Variants in ITPRID2 observed in about 807,000 individuals in gnomAD.
ITPRID2 encodes the protein protein ITPRID2.
A neutral mutation model predicts 124.3 loss-of-function variants in ITPRID2; 60 were observed. The ratio of observed to expected loss-of-function variants is 0.48; its 90% CI spans 0.39 to 0.60. The LOEUF is 0.60. ITPRID2 is among the 20% of genes least tolerant of loss of function. The probability of loss-of-function intolerance (pLI) is 0.00; values close to 1 mark genes in which losing one functional copy is unlikely to be tolerated. For missense variants in ITPRID2, 1,553 were observed against 1,512.2 expected, an observed-to-expected ratio of 1.03 and a Z score of -0.45; for synonymous variants, 521 against 542.9, an observed-to-expected ratio of 0.96 and a Z score of 0.56.
chr2:181,902,481 A>C lies in ITPRID2; in HGVS notation c.1413+15A>C. 2 of 1,494,672 alleles carry C rather than the reference A, an allele frequency of 1.3e-6. No individual in the cohort carries two copies. Among genetic ancestry groups the C allele is most frequent in the Non-Finnish European group, 1.8e-6 (2 of 1,119,586 alleles). 92.6% of individuals were successfully genotyped at this position (1,494,672 alleles called of 1,614,324 possible). ...AAATGGAAGAGGTAGGTAAAAAATT[A>C]CTGAGACTGGTTTCAAGTTGCAGAC... On this transcript the variant is annotated intron_variant, in intron 8 of 17. Coordinates refer to ENST00000431877, the MANE Select transcript of ITPRID2 (RefSeq NM_001130445.3). The surrounding 1 kb of genome is among the most constrained non-coding windows in gnomAD (Gnocchi z 4.4).
Position 181,892,625 on chromosome 2 carries a change from C to G in ITPRID2, c.222C>G (p.Pro74=), listed in dbSNP as rs750962565. 1 of 1,614,170 alleles carries G rather than the reference C, an allele frequency of 6.2e-7. No individual in the cohort carries two copies. The highest frequency in any genetic ancestry group is 2.2e-5 in the East Asian group (1 of 44,866). ...LPAAGGRGNV[P]NEKIAIWLKD... is the part of the protein sequence containing the mutation. Reference sequence around the variant, plus strand: ...TCTCTCTACCCCCAGGAAACGTGCCCAACGAGAAGATCGCGATATGGCTCA... The same window carrying G: ...TCTCTCTACCCCCAGGAAACGTGCCGAACGAGAAGATCGCGATATGGCTCA... Residue 74 remains proline, a synonymous_variant, in exon 2 of 18, where the codon CCC becomes CCG. Coordinates refer to ENST00000431877, the MANE Select transcript of ITPRID2 (RefSeq NM_001130445.3). The surrounding 1 kb of genome is among the most constrained non-coding windows in gnomAD (Gnocchi z 5.2).
intron 16 of ITPRID2, among the ~76,000 whole-genome samples, chr2:181,926,441 C>T (rs1039948882): frequency 4.0e-5 from 6 of 149,894 alleles, no homozygotes; most frequent in African/African-American, 1.5e-4. Flanking sequence ...CGACTGGGCG[C>T]GGTGGCTCAC....
At chr2:181,913,426 A>G (rs1277937735) in intron 9 of ITPRID2, among the ~76,000 whole-genome samples, 1 of 152,178 alleles carries the variant, frequency 6.6e-6, no homozygotes, top group Admixed American at 6.5e-5. Flanking sequence ...TGCTCTCTAT[A>G]TGAACTTCTA....
At position 181,915,493 on chromosome 2, in the gene ITPRID2, T is replaced by C; in HGVS notation, c.1853T>C (p.Ile618Thr). ...KQSTCSPGDHIIEITEVEEDL... is the reference protein window; with the variant it reads ...KQSTCSPGDHTIEITEVEEDL... ...TCCACCTGTAGTCCAGGGGATCATA[T>C]CATTGAAATTACTGAAGTGGAAGAG... is the stretch of plus-strand genomic sequence containing the variant. The change falls in exon 11 of 18, where the codon ATC becomes ACC. Residue 618 changes from isoleucine (I) to threonine (T), a missense_variant. Transcript: ENST00000431877. The C allele has an allele frequency of 6.2e-7, 1 of 1,614,182 alleles. No individual in the cohort carries two copies. Among genetic ancestry groups the C allele is most frequent in the South Asian group, 1.1e-5 (1 of 91,080 alleles).
In ITPRID2 at chr2:181,913,900, T is replaced by C; in HGVS notation, c.1542T>C (p.Asp514=). Residue 514 remains aspartate (D), a synonymous_variant, in exon 10 of 18, where the codon GAT becomes GAC. Transcript: ENST00000431877. ...QHSDSSGFAE[D]STDCLSLNHL... is the part of the protein sequence containing the mutation. Reference sequence around the variant, plus strand: ...CCGATAGCAGTGGTTTTGCTGAAGATTCTACAGACTGCCTATCCCTTAATC... The same window carrying C: ...CCGATAGCAGTGGTTTTGCTGAAGACTCTACAGACTGCCTATCCCTTAATC... 1 of 1,613,506 alleles carries C rather than the reference T, an allele frequency of 6.2e-7. No homozygotes were observed. The highest frequency in any genetic ancestry group is 8.5e-7 in the Non-Finnish European group (1 of 1,179,752).
At chr2:181,918,281 A>G (rs1694229339) in intron 11 of ITPRID2, 10 of 1,097,140 alleles carry the variant, frequency 9.1e-6, no homozygotes, top group Non-Finnish European at 1.0e-5. Context: ...GATATTTGCA[A>G]TGGCTTCTAC....
At position 181,915,314 on chromosome 2, in the gene ITPRID2, A is replaced by G. The variant is rs1693942456; in HGVS notation, c.1674A>G (p.Ala558=). 6.2e-7 allele frequency: 1 copy of G among 1,614,072 alleles called. No homozygotes were observed. The highest frequency in any genetic ancestry group is 2.2e-5 in the East Asian group (1 of 44,894). The part of the protein sequence containing the change: ...SLGEDLATPT[A]QDQPYFNESE... ...GTGAAGACCTTGCCACACCAACAGC[A>G]CAAGACCAGCCTTATTTTAATGAAT... The change falls in exon 11 of 18, where the codon GCA becomes GCG. Residue 558 remains alanine, a synonymous_variant. Transcript: ENST00000431877.
At chr2:181,898,835 G>A (rs1490199896) in intron 4 of ITPRID2, 45 bp from the exon 5 acceptor site, 1 of 1,349,922 alleles carries the variant, frequency 7.4e-7, no homozygotes, top group South Asian at 1.2e-5. Context: ...AGTAGTTATA[G>A]TCCTACTAAC....
Position 181,902,542 on chromosome 2 carries a change from G to T in ITPRID2, c.1413+76G>T. Reference sequence around the variant, plus strand: ...AGTACCAAAAATGCTTATAAAATGAGAGGTAGCTAATAGATTTATACTAGA... The same window carrying T: ...AGTACCAAAAATGCTTATAAAATGATAGGTAGCTAATAGATTTATACTAGA... On this transcript the variant is annotated intron_variant, in intron 8 of 17. Transcript: ENST00000431877. This position sits in a 1 kb window ranked among gnomAD's most constrained non-coding sequence, Gnocchi z 4.4. The T allele has an allele frequency of 9.2e-7, 1 of 1,091,764 alleles. No individual in the cohort carries two copies. The highest frequency in any genetic ancestry group is 1.3e-6 in the Non-Finnish European group (1 of 770,878). 67.6% of individuals were successfully genotyped at this position (1,091,764 alleles called of 1,614,324 possible). A position where few individuals can be genotyped will look rare whatever the true frequency, so the allele number is the denominator to read the frequency against.
At chr2:181,925,213 A>G (rs1461827403) in intron 16 of ITPRID2, among the ~76,000 whole-genome samples, 1 of 152,222 alleles carries the variant, frequency 6.6e-6, no homozygotes, top group Non-Finnish European at 1.5e-5. Context: ...GCTGCCACTT[A>G]GTAGGCACTC....
rs1247514330 is a variant in ITPRID2, at chr2:181,902,402, CACT to C, written c.1350_1352del (p.Leu451del). The C allele has an allele frequency of 6.2e-7, 1 of 1,612,372 alleles. No homozygotes were observed. The highest frequency in any genetic ancestry group is 2.2e-5 in the East Asian group (1 of 44,840). On this transcript the variant is annotated inframe_deletion, in exon 8 of 18. Coordinates refer to ENST00000431877, the MANE Select transcript of ITPRID2 (RefSeq NM_001130445.3). This position sits in a 1 kb window ranked among gnomAD's most constrained non-coding sequence, Gnocchi z 4.4. ...ACACCTGAAAAAGAGCCTTGTGCACCACTGACAATACCATCCATAAGAAATATA... is the reference window on the plus strand; with the variant it reads ...ACACCTGAAAAAGAGCCTTGTGCACCGACAATACCATCCATAAGAAATATA...
rs1692762854 is a variant in ITPRID2, at chr2:181,902,556, ATTTAT to A, written c.1413+91_1413+95del. 2 of 924,398 alleles carry A rather than the reference ATTTAT, an allele frequency of 2.2e-6. No homozygotes were observed. Among genetic ancestry groups the A allele is most frequent in the East Asian group, 5.4e-5 (2 of 36,784 alleles). 57.3% of individuals were successfully genotyped at this position (924,398 alleles called of 1,614,324 possible). On this transcript the variant is annotated intron_variant, in intron 8 of 17. Transcript: ENST00000431877. This position sits in a 1 kb window ranked among gnomAD's most constrained non-coding sequence, Gnocchi z 4.4. ...TTATAAAATGAGAGGTAGCTAATAG[ATTTAT>A]ACTAGAAAAATTTATTCTAATTTTG... is the stretch of plus-strand genomic sequence containing the variant.
chr2:181,913,216 C>T (rs1030984217), intron 9 of ITPRID2, among the ~76,000 whole-genome samples: 5 of 152,038 alleles, frequency 3.3e-5, no homozygotes, highest in African/African-American at 4.8e-5. Flanking sequence ...TACAGGCACC[C>T]GCTACCACGC....
rs1558984299 is a variant in ITPRID2, at chr2:181,901,054, A to C, written c.712+150A>C. On this transcript the variant is annotated intron_variant, in intron 7 of 17. Transcript: ENST00000431877. ...AAGCCATTTTTACATGTTAAAATTA[A>C]GCTATTTTATTACTCCATTTATAGT... is the stretch of plus-strand genomic sequence containing the variant. 1.8e-5 allele frequency: 12 copies of C among 662,984 alleles called. No individual in the cohort carries two copies. In the East Asian group the frequency reaches 3.5e-4, roughly 19 times the overall value. 41.1% of individuals were successfully genotyped at this position (662,984 alleles called of 1,614,324 possible).
Position 181,902,932 on chromosome 2 carries a change from G to A in ITPRID2, c.1413+466G>A, listed in dbSNP as rs1692796637. On this transcript the variant is annotated intron_variant, in intron 8 of 17. Transcript: ENST00000431877. The surrounding 1 kb of genome is among the most constrained non-coding windows in gnomAD (Gnocchi z 4.4). ...GAAGGCGGCTTTGGGGATAGTTCTT[G>A]TTATATGACTGGAAAGAACATGAAG... Among the ~76,000 whole-genome samples the A allele has an allele frequency of 2.0e-5, 3 of 152,116 alleles. No individual in the cohort carries two copies. Among genetic ancestry groups the A allele is most frequent in the Admixed American group, 2.0e-4 (3 of 15,270 alleles).
At chr2:181,912,930 A>G (rs896563877) in intron 9 of ITPRID2, among the ~76,000 whole-genome samples, 1 of 152,226 alleles carries the variant, frequency 6.6e-6, no homozygotes, top group Non-Finnish European at 1.5e-5. Flanking sequence ...TATTTGGTTG[A>G]GTTTTATGTA....
rs1477294642 is a variant in ITPRID2 at position 181,921,983 on chromosome 2, G to A, written c.3246G>A (p.Lys1082=). 7.4e-6 allele frequency: 12 copies of A among 1,614,222 alleles called. No individual in the cohort carries two copies. Among genetic ancestry groups the A allele is most frequent in the South Asian group, 1.1e-5 (1 of 91,084 alleles). ...TELMQEQSYL[K]SELGLGLGEM... Reference sequence around the variant, plus strand: ...TGATGCAGGAGCAGTCATACCTGAAGTCTGAATTGGGCCTGGGACTTGGAG... The same window carrying A: ...TGATGCAGGAGCAGTCATACCTGAAATCTGAATTGGGCCTGGGACTTGGAG... The change falls in exon 16 of 18, where the codon AAG becomes AAA. Residue 1082 remains lysine (K), a synonymous_variant. Transcript: ENST00000431877.
intron 4 of ITPRID2, 96 bp from the exon 5 acceptor site, chr2:181,898,784 C>A: frequency 1.1e-6 from 1 of 896,300 alleles, no homozygotes; most frequent in South Asian, 1.4e-5. Flanking sequence ...GCATTTAATT[C>A]TAATATTGTA....
intron 7 of ITPRID2, 33 bp downstream of exon 7, chr2:181,900,937 C>G: frequency 6.6e-7 from 1 of 1,515,556 alleles, no homozygotes; most frequent in Non-Finnish European, 9.0e-7. Flanking sequence ...ATATTATTTT[C>G]TTAAATTATA....
Sources: allele counts gnomAD v4.1 joint callset (sites outside exome capture counted in the v4.1 genomes callset), GRCh38; gene constraint gnomAD v4.1.1; non-coding constraint Gnocchi (gnomAD v3.1); transcripts MANE v1.5; gene names NCBI Gene and HGNC (gene_info 2026-07-23, HGNC 2026-07-21).